The following C19orf38 variants were observed in gnomAD, a reference collection of about 807,000 sequenced individuals.
The protein encoded by C19orf38 is protein HIDE1.
C19orf38 carries 14 observed loss-of-function variants against 26.6 expected under a neutral mutation model. The observed-to-expected ratio is 0.53, with a 90% CI of 0.35 to 0.82. The LOEUF (loss-of-function observed/expected upper bound fraction) is 0.82, where lower values mean the gene tolerates loss of function less well. Ranked by LOEUF, C19orf38 falls within the 40% of genes least tolerant of loss-of-function variation. C19orf38 has a pLI of 0.01. For missense variants in C19orf38, 261 were observed against 299.5 expected, an observed-to-expected ratio of 0.87 and a Z score of 0.95; for synonymous variants, 132 against 128.5, an observed-to-expected ratio of 1.03 and a Z score of -0.18.
At chr19:10,847,561 C>T (rs560153979), upstream of C19orf38, among the ~76,000 whole-genome samples, 4 of 151,776 alleles carry the variant, frequency 2.6e-5, no homozygotes, top group African/African-American at 4.8e-5. Context: ...ATAGTAGAGA[C>T]GGGGTTTCAC....
At chr19:10,837,240 C>T (rs995551142) in intron 1 of C19orf38, among the ~76,000 whole-genome samples, 10 of 152,180 alleles carry the variant, frequency 6.6e-5, no homozygotes, top group Non-Finnish European at 1.3e-4. Context: ...AAACTGTGTA[C>T]AGGGAGATGT....
chr19:10,862,912 A>G (rs546288929), intron 5 of C19orf38, among the ~76,000 whole-genome samples: 1 of 151,306 alleles, frequency 6.6e-6, no homozygotes, highest in Non-Finnish European at 1.5e-5. Flanking sequence ...CTCCTTCTGG[A>G]AGGCCTGAGA....
chr19:10,836,925 G>C (rs1395604342), intron 1 of C19orf38, among the ~76,000 whole-genome samples: 1 of 152,200 alleles, frequency 6.6e-6, no homozygotes, highest in African/African-American at 2.4e-5. Context: ...TCAAGGGCCA[G>C]CAGGTAAATA....
At position 10,848,556 on chromosome 19, in the gene C19orf38, C is replaced by T; in HGVS notation, c.31+17C>T. On this transcript the variant is annotated intron_variant, in intron 1 of 6. Transcript: ENST00000397820. ...TTGCAGCTGGTGAGTCTGAAGCCCC[C>T]CTCTCAGATCCCCCACGCCTTTCCC... 2 of 1,486,092 alleles carry T rather than the reference C, an allele frequency of 1.3e-6. No homozygotes were observed. The highest frequency in any genetic ancestry group is 2.0e-5 in the Admixed American group (1 of 48,906). The allele number at this position is 1,486,092 out of a possible 1,614,324, so 92.1% of individuals were successfully genotyped here. A position where few individuals can be genotyped will look rare whatever the true frequency, so the allele number is the denominator to read the frequency against.
At chr19:10,861,797 C>G (rs1035413563) in intron 5 of C19orf38, among the ~76,000 whole-genome samples, 2 of 151,764 alleles carry the variant, frequency 1.3e-5, no homozygotes, top group Non-Finnish European at 2.9e-5. Context: ...TGGCTGGTCT[C>G]GAACTCATGA....
intron 3 of C19orf38, among the ~76,000 whole-genome samples, chr19:10,857,822 A>C (rs1228784757): frequency 6.6e-6 from 1 of 151,646 alleles, no homozygotes; most frequent in South Asian, 2.1e-4. Context: ...CAGAGGTTGC[A>C]GTGAGTCAAG....
chr19:10,842,983 G>A (rs555131908), intron 1 of C19orf38, among the ~76,000 whole-genome samples: 2 of 152,208 alleles, frequency 1.3e-5, no homozygotes, highest in Non-Finnish European at 2.9e-5. Context: ...ATTGAAGGGT[G>A]AAGATGGGAG....
intron 2 of C19orf38, among the ~76,000 whole-genome samples, chr19:10,853,607 T>C (rs2073594978): frequency 6.8e-6 from 1 of 146,616 alleles, no homozygotes; most frequent in African/African-American, 2.5e-5. Context: ...TTTTTTTTTT[T>C]TTGAGACAGT....
intron 2 of C19orf38, 31 bp downstream of exon 2, chr19:10,850,598 G>C (rs1270900803): frequency 6.5e-7 from 1 of 1,547,598 alleles, no homozygotes; most frequent in Non-Finnish European, 8.7e-7. Context: ...CTCACTGCCG[G>C]GGGCTTAATT....
chr19:10,848,146 G>A (rs570809667), upstream of C19orf38, among the ~76,000 whole-genome samples: 2 of 152,000 alleles, frequency 1.3e-5, no homozygotes, highest in Middle Eastern at 3.2e-3. Flanking sequence ...AGCCGAGATC[G>A]CTCCACTGCA....
rs1225103965 is a variant in C19orf38 at position 10,848,630 on chromosome 19, G to A, written c.31+91G>A. ...CTCCAGGGGCAGAAACCAGTGCAGG[G>A]GCTGCCGTTCTCAGGGCATCGAGGA... On this transcript the variant is annotated intron_variant, in intron 1 of 6. Coordinates refer to ENST00000397820, the MANE Select transcript of C19orf38 (RefSeq NM_001136482.3). The A allele has an allele frequency of 6.1e-6, 8 of 1,300,968 alleles. No individual in the cohort carries two copies. The African/African-American group carries it at 8.8e-5, about 14-fold the overall frequency. The allele number at this position is 1,300,968 out of a possible 1,614,324, so 80.6% of individuals were successfully genotyped here.
rs1389376584 is a variant in C19orf38, at chr19:10,850,407, C to A, written c.180C>A (p.Leu60=). 2 of 1,550,782 alleles carry A rather than the reference C, an allele frequency of 1.3e-6. No homozygotes were observed. The highest frequency in any genetic ancestry group is 3.9e-5 in the Admixed American group (2 of 50,910). ...ATCGAGGGGGGCAGGTGGTCCAGCT[C>A]CTGCAGGCCCCCACGGACCAGCGCG... ...TLYRGGQVVQ[L]LQAPTDQRGV... Residue 60 remains leucine, a synonymous_variant, in exon 2 of 7, where the codon CTC becomes CTA. Coordinates refer to ENST00000397820, the MANE Select transcript of C19orf38 (RefSeq NM_001136482.3).
chr19:10,859,384 A>AT (rs1221027780), intron 4 of C19orf38, among the ~76,000 whole-genome samples: 27 of 21,042 alleles, frequency 1.3e-3, no homozygotes, highest in South Asian at 4.0e-3. Flanking sequence ...ATATATATAT[A>AT]TTTTTTTTTT....
chr19:10,865,478 A>G (rs907234994), intron 6 of C19orf38, among the ~76,000 whole-genome samples: 4 of 151,054 alleles, frequency 2.6e-5, no homozygotes, highest in Non-Finnish European at 5.9e-5. Flanking sequence ...TTTTTTCTTA[A>G]ATTAAGGACC....
At chr19:10,840,278 A>C (rs539522716) in intron 1 of C19orf38, among the ~76,000 whole-genome samples, 1 of 152,204 alleles carries the variant, frequency 6.6e-6, no homozygotes, top group East Asian at 1.9e-4. Context: ...TGAGGGTTCC[A>C]GTTTCTCTAC....
At chr19:10,857,430 C>T (rs1293460965) in intron 3 of C19orf38, among the ~76,000 whole-genome samples, 7 of 131,760 alleles carry the variant, frequency 5.3e-5, no homozygotes, top group South Asian at 2.4e-4. Context: ...TGCAGTGAGG[C>T]GATCTCGACT....
chr19:10,837,826 G>A (rs908516639), intron 1 of C19orf38, among the ~76,000 whole-genome samples: 2 of 151,928 alleles, frequency 1.3e-5, no homozygotes, highest in African/African-American at 2.4e-5. Context: ...TTAGGACAGG[G>A]TCTTGCTCTG....
At chr19:10,854,887 G>T (rs2073608127) in intron 2 of C19orf38, among the ~76,000 whole-genome samples, 1 of 152,058 alleles carries the variant, frequency 6.6e-6, no homozygotes, top group Admixed American at 6.6e-5. Context: ...CAGTTTACAT[G>T]GCTGACTTCA....
chr19:10,859,781 A>G, intron 4 of C19orf38, 134 bp from the exon 5 acceptor site: 3 of 715,606 alleles, frequency 4.2e-6, no homozygotes, highest in East Asian at 2.7e-5. Flanking sequence ...TCTGTGGGGA[A>G]GACCCATGGG....
Sources: allele counts gnomAD v4.1 joint callset (sites outside exome capture counted in the v4.1 genomes callset), GRCh38; gene constraint gnomAD v4.1.1; transcripts MANE v1.5; gene names NCBI Gene and HGNC (gene_info 2026-07-23, HGNC 2026-07-21).